RASGRP1: variants seen among roughly 807,000 people sequenced by gnomAD.
RASGRP1 encodes RAS guanyl-releasing protein 1.
RASGRP1 carries 37 observed loss-of-function variants against 95.1 expected under a neutral mutation model. That is an observed-to-expected ratio of 0.39 (90% CI 0.30 to 0.51). RASGRP1 has a LOEUF of 0.51. Ranked by LOEUF, RASGRP1 falls within the 20% of genes least tolerant of loss-of-function variation. The probability of loss-of-function intolerance (pLI) is 0.80; values close to 1 mark genes in which losing one functional copy is unlikely to be tolerated. For missense variants in RASGRP1, 711 were observed against 965.4 expected, an observed-to-expected ratio of 0.74 and a Z score of 3.49; for synonymous variants, 325 against 353.4, an observed-to-expected ratio of 0.92 and a Z score of 0.90.
chr15:38,528,116 G>T (rs1233542926), intron 2 of RASGRP1, among the ~76,000 whole-genome samples: 2 of 151,976 alleles, frequency 1.3e-5, no homozygotes, highest in Non-Finnish European at 2.9e-5. Context: ...ACTTCACTGT[G>T]CTCTGGGTCT....
At chr15:38,515,778 ACC>A (rs572642236) in intron 6 of RASGRP1, among the ~76,000 whole-genome samples, 3 of 98,360 alleles carry the variant, frequency 3.1e-5, no homozygotes, top group Admixed American at 1.1e-4. Context: ...CCGCCCCCGC[ACC>A]CCCCCCCCTT....
At chr15:38,561,319 G>A (rs1291003315) in intron 1 of RASGRP1, among the ~76,000 whole-genome samples, 2 of 152,190 alleles carry the variant, frequency 1.3e-5, no homozygotes, top group African/African-American at 4.8e-5. Context: ...CATAATGGCA[G>A]TCTAGAAGTT....
intron 2 of RASGRP1, among the ~76,000 whole-genome samples, chr15:38,553,357 A>C (rs1251295130): frequency 6.6e-6 from 1 of 152,210 alleles, no homozygotes; most frequent in African/African-American, 2.4e-5. Context: ...TCAATTACTG[A>C]AAAGACTGTT....
intron 12 of RASGRP1, among the ~76,000 whole-genome samples, 158 bp downstream of exon 12, chr15:38,502,154 C>T (rs917707626): frequency 1.3e-4 from 20 of 152,186 alleles, no homozygotes; most frequent in African/African-American, 4.6e-4. Flanking sequence ...TGTGCCCAGG[C>T]CCAGAATATT....
chr15:38,564,553 G>T, intron 1 of RASGRP1, 41 bp downstream of exon 1: 1 of 1,351,138 alleles, frequency 7.4e-7, no homozygotes, highest in South Asian at 2.0e-5. Flanking sequence ...TCCCAAGAAA[G>T]GACACAGGCG....
At chr15:38,515,780 C>G (rs906348756) in intron 6 of RASGRP1, among the ~76,000 whole-genome samples, 2 of 148,286 alleles carry the variant, frequency 1.3e-5, no homozygotes, top group African/African-American at 5.0e-5. Flanking sequence ...GCCCCCGCAC[C>G]CCCCCCCCTT....
rs1891234038 is a variant in RASGRP1, at chr15:38,505,836, T to G, written c.1323+4A>C. 1 of 1,598,234 alleles carries G rather than the reference T, an allele frequency of 6.3e-7. No homozygotes were observed. On this transcript the variant is annotated splice_donor_region_variant and intron_variant, in intron 10 of 16. Coordinates refer to ENST00000310803, the MANE Select transcript of RASGRP1 (RefSeq NM_005739.4). ...CATGTGGAGTCTTAATATGAAAAAC[T>G]CACTGGAGCTCTGTGGTTCCTTGGT... is the stretch of plus-strand genomic sequence containing the variant.
chr15:38,554,130 T>C (rs955081864), intron 2 of RASGRP1, among the ~76,000 whole-genome samples: 1 of 128,200 alleles, frequency 7.8e-6, no homozygotes, highest in Non-Finnish European at 1.6e-5. Context: ...CACGCCAAAG[T>C]TGGAGAATCT....
At chr15:38,497,019 C>T (rs1390014332) in intron 15 of RASGRP1, among the ~76,000 whole-genome samples, 1 of 152,086 alleles carries the variant, frequency 6.6e-6, no homozygotes, top group Non-Finnish European at 1.5e-5. Flanking sequence ...ACGTGTTAAG[C>T]CCGATTTTAA....
intron 3 of RASGRP1, among the ~76,000 whole-genome samples, chr15:38,522,829 G>T (rs748000722): frequency 7.9e-5 from 12 of 152,192 alleles, no homozygotes; most frequent in Non-Finnish European, 1.5e-4. Flanking sequence ...TTGCTGGCAA[G>T]CTAAGGAGTT....
chr15:38,510,329 G>A (rs1054806874), intron 8 of RASGRP1, among the ~76,000 whole-genome samples: 5 of 152,240 alleles, frequency 3.3e-5, no homozygotes, highest in Admixed American at 2.6e-4. Context: ...GTTCCACCTG[G>A]TTTCAGCAGA....
At chr15:38,541,870 G>C (rs143145438) in intron 2 of RASGRP1, among the ~76,000 whole-genome samples, 1 of 152,180 alleles carries the variant, frequency 6.6e-6, no homozygotes, top group Non-Finnish European at 1.5e-5. Context: ...AACACGGGCA[G>C]TTCAGAGGAA....
intron 15 of RASGRP1, among the ~76,000 whole-genome samples, chr15:38,497,204 C>T (rs145194420): frequency 2.6e-5 from 4 of 152,268 alleles, no homozygotes; most frequent in African/African-American, 4.8e-5. Context: ...GCTAACCAGC[C>T]AGCCCAGAGA....
At chr15:38,542,853 A>ATATATATATACATATATGTGTG (rs1566933380) in intron 2 of RASGRP1, among the ~76,000 whole-genome samples, 34 of 120,252 alleles carry the variant, frequency 2.8e-4, no homozygotes, top group Non-Finnish European at 3.9e-4. Context: ...ATATATGTGT[A>ATATATATATACATATATGTGTG]TATATATACA....
chr15:38,543,793 A>C (rs1212264768), intron 2 of RASGRP1, among the ~76,000 whole-genome samples: 1 of 151,316 alleles, frequency 6.6e-6, no homozygotes, highest in South Asian at 2.1e-4. Flanking sequence ...CTTTACTTAC[A>C]TCTATTCATC....
intron 16 of RASGRP1, among the ~76,000 whole-genome samples, chr15:38,493,659 T>C (rs1890684181): frequency 6.6e-6 from 1 of 152,230 alleles, no homozygotes; most frequent in South Asian, 2.1e-4. Context: ...ATTGTTAACA[T>C]TTTATAGATT....
intron 7 of RASGRP1, among the ~76,000 whole-genome samples, 195 bp downstream of exon 7, chr15:38,512,588 C>T (rs1891579187): frequency 6.6e-6 from 1 of 152,212 alleles, no homozygotes; most frequent in Admixed American, 6.5e-5. Context: ...GCCCCCTCCC[C>T]TCCACACTGT....
intron 13 of RASGRP1, among the ~76,000 whole-genome samples, 174 bp downstream of exon 13, chr15:38,500,969 C>T (rs956780348): frequency 6.6e-6 from 1 of 152,030 alleles, no homozygotes; most frequent in Non-Finnish European, 1.5e-5. Flanking sequence ...CAGGAAGAAG[C>T]GAGAGATGAT....
chr15:38,511,772 T>A, intron 7 of RASGRP1, 52 bp from the exon 8 acceptor site: 1 of 1,428,350 alleles, frequency 7.0e-7, no homozygotes, highest in South Asian at 1.2e-5. Flanking sequence ...GTCAGTTATA[T>A]GGGGAGCTTA....
Sources: gnomAD v4.1 joint callset for allele counts (sites outside exome capture counted in the v4.1 genomes callset) on GRCh38, gnomAD v4.1.1 for gene constraint, MANE v1.5 for transcripts, NCBI Gene and HGNC (gene_info 2026-07-23, HGNC 2026-07-21) for gene names.